DNAH2: variants seen among roughly 807,000 people sequenced by gnomAD.
DNAH2 encodes dynein axonemal heavy chain 2.
In DNAH2, 323 loss-of-function variants were observed where a neutral mutation model predicts 523.5. The ratio of observed to expected loss-of-function variants is 0.62; its 90% confidence interval spans 0.56 to 0.68. The LOEUF (loss-of-function observed/expected upper bound fraction) is 0.68. Ranked by LOEUF, DNAH2 falls within the 30% of genes least tolerant of loss-of-function variation. The pLI is 0.00. For missense variants in DNAH2, 4,907 were observed against 5,701.5 expected, an observed-to-expected ratio of 0.86 and a Z score of 4.49; for synonymous variants, 2,093 against 2,177.4, an observed-to-expected ratio of 0.96 and a Z score of 1.08.
chr17:7,830,934 C>A lies in DNAH2; in HGVS notation c.12230+92C>A. On this transcript the variant is annotated intron_variant, in intron 79 of 85. Coordinates refer to ENST00000572933, the MANE Select transcript of DNAH2 (RefSeq NM_020877.5). ...GTGGGGGTAATGTTTGAGGAGAGGACGTGAGATTGGAAGAAGACAGAGTTT... is the reference window on the plus strand; with the variant it reads ...GTGGGGGTAATGTTTGAGGAGAGGAAGTGAGATTGGAAGAAGACAGAGTTT... 3 of 1,553,682 alleles carry A rather than the reference C, an allele frequency of 1.9e-6. No homozygotes were observed. The South Asian group carries it at 3.4e-5, about 18-fold the overall frequency.
Position 7,774,849 on chromosome 17 carries a change from T to C in DNAH2, c.4592T>C (p.Phe1531Ser), listed in dbSNP as rs540969312. The C allele has an allele frequency of 2.5e-6, 4 of 1,614,166 alleles. No individual in the cohort carries two copies. Among genetic ancestry groups the C allele is most frequent in the Admixed American group, 3.3e-5 (2 of 60,022 alleles). Residue 1531 changes from phenylalanine to serine, a missense_variant, in exon 29 of 86, where the codon TTC (phenylalanine) becomes TCC (serine). Transcript: ENST00000572933. ...DMYLETKRHI[F>S]PRFYFLSNDD... Reference sequence around the variant, plus strand: ...TATTTAGAGACCAAGCGACATATTTTCCCCCGCTTCTACTTCTTGTCCAAT... The same window carrying C: ...TATTTAGAGACCAAGCGACATATTTCCCCCCGCTTCTACTTCTTGTCCAAT...
chr17:7,784,202 CAAAAT>C (rs2076675423), intron 39 of DNAH2, among the ~76,000 whole-genome samples: 2 of 151,730 alleles, frequency 1.3e-5, no homozygotes, highest in African/African-American at 4.8e-5. Flanking sequence ...AATATAGTCT[CAAAAT>C]AAGTAGAGCA....
chr17:7,743,767 T>A (rs1419239613), intron 12 of DNAH2: 1 of 171,098 alleles, frequency 5.8e-6, no homozygotes, highest in African/African-American at 2.4e-5. Context: ...CCAAACCCTG[T>A]CCCTTTCCTG....
chr17:7,806,526 G>A (rs1190766661), intron 61 of DNAH2, among the ~76,000 whole-genome samples: 1 of 151,870 alleles, frequency 6.6e-6, no homozygotes, highest in African/African-American at 2.4e-5. Context: ...GGGTGTGGTG[G>A]CAGGCACCTG....
rs1380773177 is a variant in DNAH2 at position 7,776,770 on chromosome 17, C to T, written c.4948-9C>T. 1.9e-6 allele frequency: 3 copies of T among 1,609,650 alleles called. No homozygotes were observed. In the East Asian group the frequency reaches 6.7e-5, roughly 36 times the overall value. ...AGGGCTTTGGGACGTGGCTTCTGCA[C>T]ATCCCCAGGTGGTGATCACTGCCAG... On this transcript the variant is annotated splice_polypyrimidine_tract_variant and intron_variant, in intron 31 of 85. Transcript: ENST00000572933.
chr17:7,757,308 G>T, intron 13 of DNAH2, 71 bp downstream of exon 13: 3 of 1,520,514 alleles, frequency 2.0e-6, no homozygotes, highest in African/African-American at 2.8e-5. Flanking sequence ...TATCTGCCCT[G>T]TAATGTTGTT....
rs183746002 is a variant in DNAH2 at position 7,738,235 on chromosome 17, G to A, written c.1170+977G>A. On this transcript the variant is annotated intron_variant, in intron 8 of 85. Transcript: ENST00000572933. ...GTTTAGCCTCTTGGTTGTATTTTCC[G>A]AGACCCAGGAGTTTCTACATCTGGC... is the stretch of plus-strand genomic sequence containing the variant. 21 of 620,206 alleles carry A rather than the reference G, an allele frequency of 3.4e-5. No homozygotes were observed. The Admixed American group carries it at 3.4e-4, about 10-fold the overall frequency. The allele number at this position is 620,206 out of a possible 1,614,324, so 38.4% of individuals were successfully genotyped here.
Position 7,821,112 on chromosome 17 carries a change from C to A in DNAH2, c.11016-131C>A. 1 of 1,301,824 alleles carries A rather than the reference C, an allele frequency of 7.7e-7. No homozygotes were observed. Among genetic ancestry groups the A allele is most frequent in the Non-Finnish European group, 1.0e-6 (1 of 968,886 alleles). The allele number at this position is 1,301,824 out of a possible 1,614,324, so 80.6% of individuals were successfully genotyped here. On this transcript the variant is annotated intron_variant, in intron 72 of 85. Coordinates refer to ENST00000572933, the MANE Select transcript of DNAH2 (RefSeq NM_020877.5). The surrounding 1 kb of genome is among the most constrained non-coding windows in gnomAD (Gnocchi z 5.0). ...AGGCCCCTGAGTCCTCAGCTGTTTC[C>A]AGGAGGTTAGGATTAGAGGCTGGTG...
Position 7,830,832 on chromosome 17 carries a change from C to G in DNAH2, c.12220C>G (p.Pro4074Ala), listed in dbSNP as rs760498920. The G allele has an allele frequency of 1.2e-6, 2 of 1,614,004 alleles. No individual in the cohort carries two copies. The highest frequency in any genetic ancestry group is 1.7e-6 in the Non-Finnish European group (2 of 1,180,012). The change falls in exon 79 of 86, where the codon CCC (proline) becomes GCC (alanine). Residue 4074 changes from proline to alanine, a missense_variant. Coordinates refer to ENST00000572933, the MANE Select transcript of DNAH2 (RefSeq NM_020877.5). ...TTTCTGTGACCAGTCTCTATCAACT[C>G]CCTTCCACCGGTGAGGGGGAGGTGG... ...DYFCDQSLST[P>A]FHRLSALETY...
chr17:7,734,567 G>A lies in DNAH2; in HGVS notation c.837G>A (p.Glu279=). The change falls in exon 7 of 86, where the codon GAG becomes GAA. Residue 279 remains glutamate, a synonymous_variant. Transcript: ENST00000572933. ...ATTTAGGTCCTCTGGAGGAGATTGA[G>A]TTCTGGCGCAACCGATGCATGGACC... ...GENLGPLEEI[E]FWRNRCMDLS... is the part of the protein sequence containing the mutation. 1 of 1,613,856 alleles carries A rather than the reference G, an allele frequency of 6.2e-7. No individual in the cohort carries two copies. The highest frequency in any genetic ancestry group is 8.5e-7 in the Non-Finnish European group (1 of 1,180,004).
rs1302981068 is a variant in DNAH2, at chr17:7,807,367, G to A, written c.9612+48G>A. ...GGGGCGGTAGGGAGGGCAGGCCTGG[G>A]GGAGTGCGGATGCACAGACCCAGGT... On this transcript the variant is annotated intron_variant, in intron 62 of 85. Transcript: ENST00000572933. This position sits in a 1 kb window ranked among gnomAD's most constrained non-coding sequence, Gnocchi z 5.6. The A allele has an allele frequency of 2.5e-6, 4 of 1,604,142 alleles. No individual in the cohort carries two copies. Among genetic ancestry groups the A allele is most frequent in the African/African-American group, 2.7e-5 (2 of 74,820 alleles).
chr17:7,741,136 C>G, intron 11 of DNAH2, 144 bp downstream of exon 11: 2 of 1,005,218 alleles, frequency 2.0e-6, no homozygotes, highest in Non-Finnish European at 2.8e-6. Context: ...TCAGTGAGGT[C>G]AGTCGTGGGT....
In DNAH2 at chr17:7,807,496, G is replaced by A. The variant is rs1372951423; in HGVS notation, c.9639G>A (p.Val3213=). ...MELYGRLYRV[V]EPKRIRMNAA... Reference sequence around the variant, plus strand: ...TGTATGGGCGGCTATATCGGGTGGTGGAGCCCAAGCGAATCCGAATGAACG... The same window carrying A: ...TGTATGGGCGGCTATATCGGGTGGTAGAGCCCAAGCGAATCCGAATGAACG... The change falls in exon 63 of 86, where the codon GTG becomes GTA. Residue 3213 remains valine, a synonymous_variant. Coordinates refer to ENST00000572933, the MANE Select transcript of DNAH2 (RefSeq NM_020877.5). The surrounding 1 kb of genome is among the most constrained non-coding windows in gnomAD (Gnocchi z 5.6). 18 of 1,613,672 alleles carry A rather than the reference G, an allele frequency of 1.1e-5. No homozygotes were observed. The highest frequency in any genetic ancestry group is 8.9e-5 in the East Asian group (4 of 44,888).
At chr17:7,766,069 G>A (rs1047548288) in intron 21 of DNAH2, among the ~76,000 whole-genome samples, 2 of 152,054 alleles carry the variant, frequency 1.3e-5, no homozygotes, top group African/African-American at 4.8e-5. Flanking sequence ...GAGCCACCGC[G>A]CCCGGCCCGC....
rs189428939 is a variant in DNAH2, at chr17:7,787,847, C to T, written c.6604-13C>T. Reference sequence around the variant, plus strand: ...CAGAGAAAGATGAAGTTCTGACAAACGTATATCCTTAGGTGTCTCTCCTGT... The same window carrying T: ...CAGAGAAAGATGAAGTTCTGACAAATGTATATCCTTAGGTGTCTCTCCTGT... On this transcript the variant is annotated splice_polypyrimidine_tract_variant and intron_variant, in intron 42 of 85. Transcript: ENST00000572933. The T allele has an allele frequency of 1.5e-5, 24 of 1,603,924 alleles. No individual in the cohort carries two copies. Among genetic ancestry groups the T allele is most frequent in the Middle Eastern group, 3.3e-4 (2 of 6,030 alleles).
At position 7,776,015 on chromosome 17, in the gene DNAH2, T is replaced by C; in HGVS notation, c.4822-9T>C. The C allele has an allele frequency of 6.2e-7, 1 of 1,612,222 alleles. No homozygotes were observed. Among genetic ancestry groups the C allele is most frequent in the Non-Finnish European group, 8.5e-7 (1 of 1,178,972 alleles). On this transcript the variant is annotated splice_polypyrimidine_tract_variant and intron_variant, in intron 30 of 85. Coordinates refer to ENST00000572933, the MANE Select transcript of DNAH2 (RefSeq NM_020877.5). The stretch of plus-strand genomic sequence containing the variant: ...GGCTGAGCTGCCCTATTCTCCCACC[T>C]CCCCCCAGTCCTGGCTTGGCGATGT...
Position 7,807,449 on chromosome 17 carries a change from A to G in DNAH2, c.9613-21A>G, listed in dbSNP as rs373548058. The G allele has an allele frequency of 6.2e-7, 1 of 1,612,530 alleles. No homozygotes were observed. The highest frequency in any genetic ancestry group is 8.5e-7 in the Non-Finnish European group (1 of 1,179,812). On this transcript the variant is annotated intron_variant, in intron 62 of 85. Transcript: ENST00000572933. This position sits in a 1 kb window ranked among gnomAD's most constrained non-coding sequence, Gnocchi z 5.6. Reference sequence around the variant, plus strand: ...TGGTGGGTTGGTGGGCGACTCCCACAGCCTGACTGTCTCCCCACAGCTGTA... The same window carrying G: ...TGGTGGGTTGGTGGGCGACTCCCACGGCCTGACTGTCTCCCCACAGCTGTA...
chr17:7,823,213 G>T lies in DNAH2; in HGVS notation c.11143-229G>T, dbSNP rs535354280. On this transcript the variant is annotated intron_variant, in intron 73 of 85. Coordinates refer to ENST00000572933, the MANE Select transcript of DNAH2 (RefSeq NM_020877.5). ...GGAGGCTGAGGCAGGAGAATCGCTT[G>T]AACCTGGGGGTCAGAGGTTGCAGTG... Among the ~76,000 whole-genome samples, 5 of 151,104 alleles carry T rather than the reference G, an allele frequency of 3.3e-5. No individual in the cohort carries two copies. In the East Asian group the frequency reaches 9.7e-4, roughly 29 times the overall value.
rs1369031777 is a variant in DNAH2 at position 7,758,655 on chromosome 17, G to A, written c.2208+4G>A. The A allele has an allele frequency of 6.2e-7, 1 of 1,611,350 alleles. No individual in the cohort carries two copies. Reference sequence around the variant, plus strand: ...GTGCCGTATACATGCCAGCAAGGTGGGCCATGGTCCTTAGACCCTAAAGGT... The same window carrying A: ...GTGCCGTATACATGCCAGCAAGGTGAGCCATGGTCCTTAGACCCTAAAGGT... On this transcript the variant is annotated splice_donor_region_variant and intron_variant, in intron 14 of 85. Transcript: ENST00000572933.
Sources: allele counts gnomAD v4.1 joint callset (sites outside exome capture counted in the v4.1 genomes callset), GRCh38; gene constraint gnomAD v4.1.1; non-coding constraint Gnocchi (gnomAD v3.1); transcripts MANE v1.5; gene names NCBI Gene and HGNC (gene_info 2026-07-23, HGNC 2026-07-21).